CTDSP1: variants seen among roughly 807,000 people sequenced by gnomAD.
CTDSP1 encodes the protein carboxy-terminal domain RNA polymerase II polypeptide A small phosphatase 1.
A neutral mutation model predicts 32.5 loss-of-function variants in CTDSP1; 15 were observed. The ratio of observed to expected loss-of-function variants is 0.46; its 90% CI spans 0.31 to 0.71. CTDSP1 has a LOEUF of 0.71. Ranked by LOEUF, CTDSP1 falls within the 30% of genes least tolerant of loss-of-function variation. The pLI, the probability that CTDSP1 is intolerant of heterozygous loss-of-function variation, is 0.05. For missense variants in CTDSP1, 294 were observed against 351.1 expected (o/e 0.84, Z 1.30); for synonymous variants, 185 against 145.4 (o/e 1.27, Z -1.96).
upstream of CTDSP1, among the ~76,000 whole-genome samples, chr2:218,397,137 G>A (rs1696838335): frequency 6.6e-6 from 1 of 152,106 alleles, no homozygotes; most frequent in Non-Finnish European, 1.5e-5. Context: ...GATCTTGTGG[G>A]GCAGGACGGG....
chr2:218,405,832 G>GC lies in CTDSP1; in HGVS notation c.*1408dup, dbSNP rs1239581348. ...TGCTCCCCTCCCCCAGAGCGGGTGG[G>GC]CGGGGGGTGAATATGGTTGGCCTGC... On this transcript the variant is annotated 3_prime_UTR_variant, in exon 7 of 7. Coordinates refer to ENST00000273062, the MANE Select transcript of CTDSP1 (RefSeq NM_021198.3). 2.0e-5 allele frequency: 3 copies of GC among 153,276 alleles called. No homozygotes were observed. Among genetic ancestry groups the GC allele is most frequent in the African/African-American group, 7.2e-5 (3 of 41,474 alleles). 9.5% of individuals were successfully genotyped at this position (153,276 alleles called of 1,614,324 possible). A position where few individuals can be genotyped will look rare whatever the true frequency, so the allele number is the denominator to read the frequency against.
chr2:218,402,446 C>A, intron 4 of CTDSP1, 41 bp downstream of exon 4: 2 of 1,580,908 alleles, frequency 1.3e-6, no homozygotes, highest in African/African-American at 1.3e-5. Context: ...TGGCATCTGC[C>A]TCCAGACCCT....
At chr2:218,402,679 G>A (rs548273517) in intron 4 of CTDSP1, 1 of 765,302 alleles carries the variant, frequency 1.3e-6, no homozygotes, top group Non-Finnish European at 2.4e-6. Flanking sequence ...AGGATAGGTT[G>A]TGTGCTGTCC....
At chr2:218,398,062 A>G (rs1290597833), upstream of CTDSP1, among the ~76,000 whole-genome samples, 1 of 152,096 alleles carries the variant, frequency 6.6e-6, no homozygotes, top group Non-Finnish European at 1.5e-5. Flanking sequence ...AGGGAGAGGA[A>G]AGCGCGCCAC....
rs1249333067 is a variant in CTDSP1 at position 218,399,978 on chromosome 2, G to C, written c.-113G>C. On this transcript the variant is annotated 5_prime_UTR_variant, in exon 1 of 7. Coordinates refer to ENST00000273062, the MANE Select transcript of CTDSP1 (RefSeq NM_021198.3). ...TCCCCTCCCCTCCGGAGCTCGCGGG[G>C]ATCCCTCCCTCCCACCCCTCCCCTC... 87 of 1,134,392 alleles carry C rather than the reference G, an allele frequency of 7.7e-5. No homozygotes were observed. Among genetic ancestry groups the C allele is most frequent in the East Asian group, 9.0e-5 (2 of 22,136 alleles). The allele number at this position is 1,134,392 out of a possible 1,614,324, so 70.3% of individuals were successfully genotyped here.
intron 2 of CTDSP1, 61 bp downstream of exon 2, chr2:218,401,773 G>A (rs1697156870): frequency 2.1e-6 from 3 of 1,448,044 alleles, no homozygotes; most frequent in Non-Finnish European, 2.8e-6. Context: ...GGCTTTAGGG[G>A]AAGGGGCTCC....
chr2:218,402,045 A>G (rs1697171060), intron 2 of CTDSP1, 66 bp from the exon 3 acceptor site: 2 of 1,111,018 alleles, frequency 1.8e-6, no homozygotes, highest in Non-Finnish European at 2.7e-6. Context: ...TAGGGGGAGA[A>G]GCCTGCGTGG....
Position 218,400,135 on chromosome 2 carries a change from T to G in CTDSP1, c.45T>G (p.Ala15=), listed in dbSNP as rs906675880. 3 of 1,545,094 alleles carry G rather than the reference T, an allele frequency of 1.9e-6. No individual in the cohort carries two copies. The highest frequency in any genetic ancestry group is 2.6e-6 in the Non-Finnish European group (3 of 1,145,210). The change falls in exon 1 of 7, where the codon GCT becomes GCG. Residue 15 remains alanine (A), a synonymous_variant. Coordinates refer to ENST00000273062, the MANE Select transcript of CTDSP1 (RefSeq NM_021198.3). ...AVITQISKEE[A]RGPLRGKGDQ... is the part of the protein sequence containing the mutation. ...TTACTCAGATCAGCAAGGAGGAGGC[T>G]CGGGGCCCGCTGCGGGGCAAAGGTA...
In CTDSP1 at chr2:218,405,412, T is replaced by C. The variant is rs1397328054; in HGVS notation, c.*987T>C. On this transcript the variant is annotated 3_prime_UTR_variant, in exon 7 of 7. Coordinates refer to ENST00000273062, the MANE Select transcript of CTDSP1 (RefSeq NM_021198.3). ...GTTCATTCATTCAAAAAAACATTTC[T>C]TGAGCACCTTCTGTGCCCAGCATAT... is the stretch of plus-strand genomic sequence containing the variant. 1 of 152,648 alleles carries C rather than the reference T, an allele frequency of 6.6e-6. No homozygotes were observed. The highest frequency in any genetic ancestry group is 1.5e-5 in the Non-Finnish European group (1 of 68,162). 9.5% of individuals were successfully genotyped at this position (152,648 alleles called of 1,614,324 possible).
At position 218,402,344 on chromosome 2, in the gene CTDSP1, C is replaced by A. The variant is rs1195189030; in HGVS notation, c.322-5C>A. On this transcript the variant is annotated splice_polypyrimidine_tract_variant and splice_region_variant and intron_variant, in intron 3 of 6. Transcript: ENST00000273062. Reference sequence around the variant, plus strand: ...CCAACTCCAGCAGCTCTTTTCCCCCCACAGCCAGTGAACAACGCGGACTTC... The same window carrying A: ...CCAACTCCAGCAGCTCTTTTCCCCCAACAGCCAGTGAACAACGCGGACTTC... The A allele has an allele frequency of 1.9e-6, 3 of 1,613,920 alleles. No homozygotes were observed. Among genetic ancestry groups the A allele is most frequent in the Non-Finnish European group, 2.5e-6 (3 of 1,180,008 alleles).
rs1697363265 is a variant in CTDSP1, at chr2:218,405,426, T to C, written c.*1001T>C. ...AAAAACATTTCTTGAGCACCTTCTG[T>C]GCCCAGCATATGCTAGGCCCACCAG... On this transcript the variant is annotated 3_prime_UTR_variant, in exon 7 of 7. Coordinates refer to ENST00000273062, the MANE Select transcript of CTDSP1 (RefSeq NM_021198.3). 1 of 152,650 alleles carries C rather than the reference T, an allele frequency of 6.6e-6. No individual in the cohort carries two copies. The highest frequency in any genetic ancestry group is 1.5e-5 in the Non-Finnish European group (1 of 68,168). 9.5% of individuals were successfully genotyped at this position (152,650 alleles called of 1,614,324 possible).
intron 1 of CTDSP1, 27 bp downstream of exon 1, chr2:218,400,184 A>G: frequency 2.0e-6 from 3 of 1,527,434 alleles, no homozygotes; most frequent in Non-Finnish European, 2.6e-6. Flanking sequence ...GAGGGGGCCG[A>G]AGCCGGGGCG....
rs988588684 is a variant in CTDSP1 at position 218,403,037 on chromosome 2, C to T, written c.381C>T (p.Val127=). The part of the protein sequence containing the change: ...PVEIDGVVHQ[V]YVLKRPHVDE... ...CCCCTCACTGGCCCGCCCCCCAGGT[C>T]TACGTGTTGAAGCGTCCTCACGTGG... is the stretch of plus-strand genomic sequence containing the variant. The change falls in exon 5 of 7, where the codon GTC becomes GTT. Residue 127 remains valine, a splice_region_variant and synonymous_variant. Coordinates refer to ENST00000273062, the MANE Select transcript of CTDSP1 (RefSeq NM_021198.3). The T allele has an allele frequency of 8.7e-6, 14 of 1,613,802 alleles. No individual in the cohort carries two copies. The highest frequency in any genetic ancestry group is 1.2e-5 in the Non-Finnish European group (14 of 1,179,878).
In CTDSP1 at chr2:218,399,954, C is replaced by T; in HGVS notation, c.-137C>T. On this transcript the variant is annotated 5_prime_UTR_variant, in exon 1 of 7. Coordinates refer to ENST00000273062, the MANE Select transcript of CTDSP1 (RefSeq NM_021198.3). ...TCCCCCTCCCCCCTAGAACCTGGCTCCCCTCCCCTCCGGAGCTCGCGGGGA... is the reference window on the plus strand; with the variant it reads ...TCCCCCTCCCCCCTAGAACCTGGCTTCCCTCCCCTCCGGAGCTCGCGGGGA... 1.0e-6 allele frequency: 1 copy of T among 985,746 alleles called. No homozygotes were observed. The highest frequency in any genetic ancestry group is 1.8e-5 in the African/African-American group (1 of 55,692). 61.1% of individuals were successfully genotyped at this position (985,746 alleles called of 1,614,324 possible).
At chr2:218,398,330 G>T, upstream of CTDSP1, 2 of 1,271,196 alleles carry the variant, frequency 1.6e-6, no homozygotes, top group East Asian at 2.6e-5. Flanking sequence ...GCCGTTCTAA[G>T]GGGTAAATGA....
chr2:218,398,077 C>T (rs1055711890), upstream of CTDSP1, among the ~76,000 whole-genome samples: 2 of 152,158 alleles, frequency 1.3e-5, no homozygotes, highest in African/African-American at 4.8e-5. Flanking sequence ...CGCCACCCAA[C>T]CCAGGCCAAG....
chr2:218,398,593 G>C (rs950069305), upstream of CTDSP1: 7 of 656,156 alleles, frequency 1.1e-5, no homozygotes, highest in Non-Finnish European at 1.6e-5. Context: ...CCCCGCGCGG[G>C]GCCTCCCCTC....
At position 218,401,552 on chromosome 2, in the gene CTDSP1, T is replaced by G; in HGVS notation, c.68-12T>G. On this transcript the variant is annotated splice_polypyrimidine_tract_variant and intron_variant, in intron 1 of 6. Coordinates refer to ENST00000273062, the MANE Select transcript of CTDSP1 (RefSeq NM_021198.3). ...GTGCACCGAGCCTCCAACTTGTGCC[T>G]CCCTACTTCAGGTGACCAGAAGTCA... The G allele has an allele frequency of 1.2e-6, 2 of 1,613,454 alleles. No individual in the cohort carries two copies. Among genetic ancestry groups the G allele is most frequent in the Non-Finnish European group, 1.7e-6 (2 of 1,179,686 alleles).
upstream of CTDSP1, chr2:218,398,242 C>T (rs928327324): frequency 4.6e-6 from 3 of 645,670 alleles, no homozygotes; most frequent in South Asian, 1.8e-5. Context: ...CGCCTTTGCC[C>T]TTGCCGGTAG....
Sources: allele counts gnomAD v4.1 joint callset (sites outside exome capture counted in the v4.1 genomes callset), GRCh38; gene constraint gnomAD v4.1.1; transcripts MANE v1.5; gene names NCBI Gene and HGNC (gene_info 2026-07-23, HGNC 2026-07-21).